NDE1: variants seen among roughly 807,000 people sequenced by gnomAD.
NDE1 encodes nuclear distribution protein nudE homolog 1.
In NDE1, 28 loss-of-function variants were observed where a neutral mutation model predicts 43.4. The observed-to-expected ratio is 0.65, with a 90% CI of 0.48 to 0.89. The LOEUF is 0.89. NDE1 is among the 40% of genes least tolerant of loss of function. NDE1 has a pLI of 0.00. For missense variants in NDE1, 441 were observed against 434.1 expected (o/e 1.02, Z -0.14); for synonymous variants, 184 against 172.0 (o/e 1.07, Z -0.55).
chr16:15,672,201 G>A (rs2037631951), intron 3 of NDE1, among the ~76,000 whole-genome samples: 1 of 152,052 alleles, frequency 6.6e-6, no homozygotes, highest in Non-Finnish European at 1.5e-5. Flanking sequence ...TTGGGAGACC[G>A]AGGCGGGCGG....
chr16:15,693,105 G>A (rs540288144), intron 6 of NDE1, among the ~76,000 whole-genome samples: 8 of 151,974 alleles, frequency 5.3e-5, no homozygotes, highest in South Asian at 2.1e-4. Flanking sequence ...GGATTCAAGC[G>A]ATTCTCATGC....
At chr16:15,678,006 C>G (rs1349024560) in intron 4 of NDE1, 57 bp downstream of exon 4, 6 of 1,604,664 alleles carry the variant, frequency 3.7e-6, no homozygotes, top group Non-Finnish European at 4.3e-6. Context: ...TTTTTGTCCC[C>G]AGCAGCTGGG....
At chr16:15,698,862 A>AG (rs1368399983) in intron 8 of NDE1, among the ~76,000 whole-genome samples, 1 of 147,748 alleles carries the variant, frequency 6.8e-6, no homozygotes, top group Non-Finnish European at 1.5e-5. Flanking sequence ...CTCTTTCTCA[A>AG]GAAAAAAAAA....
chr16:15,680,265 G>A (rs1419054166), intron 4 of NDE1, among the ~76,000 whole-genome samples: 3 of 152,070 alleles, frequency 2.0e-5, no homozygotes, highest in African/African-American at 7.2e-5. Flanking sequence ...GGAGGCCAGA[G>A]ATGTGGGAAG....
intron 8 of NDE1, among the ~76,000 whole-genome samples, chr16:15,698,915 T>C (rs116293382): frequency 0.015 from 2,253 of 152,128 alleles, 59 homozygotes; most frequent in African/African-American, 0.052. Flanking sequence ...GACAGGGTTT[T>C]GCTGTGTCAC....
chr16:15,676,247 CAG>C lies in NDE1; in HGVS notation c.238-1551_238-1550del, dbSNP rs1173428601. ...CTGGTTTTTTTTTTTTTTTTTGAGA[CAG>C]AGTCTCGCTGTTATTGCCCAGGCTG... On this transcript the variant is annotated intron_variant, in intron 3 of 8. Coordinates refer to ENST00000396354, the MANE Select transcript of NDE1 (RefSeq NM_017668.3). 7.5e-5 allele frequency among the ~76,000 whole-genome samples: 8 copies of C among 106,340 alleles called. No individual in the cohort carries two copies. In the East Asian group the frequency reaches 1.2e-3, roughly 16 times the overall value. 69.8% of individuals were successfully genotyped at this position (106,340 alleles called of 152,430 possible). A position where few individuals can be genotyped will look rare whatever the true frequency, so the allele number is the denominator to read the frequency against.
chr16:15,712,493 T>C (rs1450379921), intron 8 of NDE1, among the ~76,000 whole-genome samples: 5 of 151,684 alleles, frequency 3.3e-5, no homozygotes, highest in African/African-American at 1.2e-4. Flanking sequence ...ACTAAAAATA[T>C]AAAAATAGGC....
Position 15,724,118 on chromosome 16 carries a change from C to T in NDE1, c.948-73C>T, listed in dbSNP as rs138012038. On this transcript the variant is annotated intron_variant, in intron 8 of 8. Transcript: ENST00000396354. ...TACTCTGCAGAGCTGATTCCCCAACCCAGCGTCCATGGCCAGAGTGGGGGA... is the reference window on the plus strand; with the variant it reads ...TACTCTGCAGAGCTGATTCCCCAACTCAGCGTCCATGGCCAGAGTGGGGGA... The T allele has an allele frequency of 3.6e-3, 5,733 of 1,610,724 alleles. 17 individuals carry two copies. Among genetic ancestry groups the T allele is most frequent in the South Asian group, 5.1e-3 (465 of 90,934 alleles).
chr16:15,715,102 G>A (rs1273233664), intron 8 of NDE1: 1 of 1,612,542 alleles, frequency 6.2e-7, no homozygotes, highest in Admixed American at 1.7e-5. Context: ...GAGTTGGAGG[G>A]GTGGTTAGGG....
intron 1 of NDE1, among the ~76,000 whole-genome samples, chr16:15,654,404 A>G (rs1343955994): frequency 1.3e-5 from 2 of 151,876 alleles, no homozygotes; most frequent in Non-Finnish European, 2.9e-5. Flanking sequence ...GATCGAGACC[A>G]GCCTGGCCAA....
chr16:15,725,556 C>T lies in NDE1; in HGVS notation c.*1305C>T. 1 of 408,828 alleles carries T rather than the reference C, an allele frequency of 2.4e-6. No individual in the cohort carries two copies. The highest frequency in any genetic ancestry group is 4.3e-6 in the Non-Finnish European group (1 of 231,388). 25.3% of individuals were successfully genotyped at this position (408,828 alleles called of 1,614,324 possible). On this transcript the variant is annotated 3_prime_UTR_variant, in exon 9 of 9. Transcript: ENST00000396354. ...TACTCCCTAGTGTCTCTGCATAAGTCCCTTTGAGGCTGTTAGCCTACCCCT... is the reference window on the plus strand; with the variant it reads ...TACTCCCTAGTGTCTCTGCATAAGTTCCTTTGAGGCTGTTAGCCTACCCCT...
At chr16:15,703,937 T>G in intron 8 of NDE1, 1 of 1,612,918 alleles carries the variant, frequency 6.2e-7, no homozygotes, top group Non-Finnish European at 8.5e-7. Context: ...TTTTTTTGTT[T>G]GTTTGTTTTG....
At chr16:15,682,801 T>G (rs931855087) in intron 4 of NDE1, among the ~76,000 whole-genome samples, 26 of 152,194 alleles carry the variant, frequency 1.7e-4, no homozygotes, top group Admixed American at 1.0e-3. Flanking sequence ...CTTAGCTCAC[T>G]GCAGCCTCTG....
intron 8 of NDE1, chr16:15,708,712 T>C: frequency 1.5e-6 from 2 of 1,362,722 alleles, no homozygotes; most frequent in Non-Finnish European, 2.1e-6. Context: ...TGTGCAAGGG[T>C]TTAAAAATTG....
At chr16:15,668,986 G>A (rs2037454639) in intron 3 of NDE1, among the ~76,000 whole-genome samples, 1 of 151,602 alleles carries the variant, frequency 6.6e-6, no homozygotes, top group Non-Finnish European at 1.5e-5. Context: ...TGCAAGCTCC[G>A]CCTCCCAGGT....
chr16:15,707,650 C>T (rs1156765951), intron 8 of NDE1, among the ~76,000 whole-genome samples: 1 of 152,162 alleles, frequency 6.6e-6, no homozygotes, highest in Admixed American at 6.6e-5. Flanking sequence ...TTGGTTTGGC[C>T]TCTCCATGAG....
At chr16:15,704,227 TA>T (rs2039331766) in intron 8 of NDE1, 1 of 1,412,014 alleles carries the variant, frequency 7.1e-7, no homozygotes, top group South Asian at 1.2e-5. Flanking sequence ...CCTATTGCAA[TA>T]TAAATTTTTT....
At position 15,693,584 on chromosome 16, in the gene NDE1, T is replaced by G. The variant is rs574107225; in HGVS notation, c.704-581T>G. Reference sequence around the variant, plus strand: ...GGGCGGCCAAGGTGGGAGGATCGCTTGAAACTAGGAGTTCATGATCAGCCT... The same window carrying G: ...GGGCGGCCAAGGTGGGAGGATCGCTGGAAACTAGGAGTTCATGATCAGCCT... On this transcript the variant is annotated intron_variant, in intron 6 of 8. Transcript: ENST00000396354. Among the ~76,000 whole-genome samples the G allele has an allele frequency of 5.9e-5, 9 of 152,214 alleles. No individual in the cohort carries two copies. In the South Asian group the frequency reaches 1.9e-3, roughly 32 times the overall value.
At chr16:15,646,938 T>C (rs116497764), upstream of NDE1, among the ~76,000 whole-genome samples, 1,638 of 151,314 alleles carry the variant, frequency 0.011, 36 homozygotes, top group African/African-American at 0.037. Flanking sequence ...TAATCCCAGC[T>C]AGTCGAAAGG....
Sources: gnomAD v4.1 joint callset for allele counts (sites outside exome capture counted in the v4.1 genomes callset) on GRCh38, gnomAD v4.1.1 for gene constraint, MANE v1.5 for transcripts, NCBI Gene and HGNC (gene_info 2026-07-23, HGNC 2026-07-21) for gene names.